Variants in RFC4 observed in about 807,000 individuals in gnomAD.
RFC4 encodes replication factor C subunit 4, also known as A1 37 kDa subunit.
In RFC4, 38 loss-of-function variants were observed where a neutral mutation model predicts 47.6. The observed-to-expected ratio is 0.80, with a 90% CI of 0.62 to 1.05. The LOEUF is 1.05. Ranked by LOEUF, RFC4 falls within the 50% of genes least tolerant of loss-of-function variation. The pLI is 0.00. For synonymous variants in RFC4, 164 were observed against 150.0 expected, an observed-to-expected ratio of 1.09 and a Z score of -0.68; for missense variants, 489 against 434.0, an observed-to-expected ratio of 1.13 and a Z score of -1.13.
rs777820503 is a variant in RFC4 at position 186,792,588 on chromosome 3, TAG to T, written c.575_576del (p.Ser192Ter). Reference protein sequence around the residue: ...YVSRIIEPLTSRCSKFRFKPL... With the variant: ...YVSRIIEPLTXRCSKFRFKPL... Reference sequence around the variant, plus strand: ...GGCTTGAAGCGGAATTTTGAACATCTAGAGGTCAGGGGTTCAATTATTCTGTG... The same window carrying T: ...GGCTTGAAGCGGAATTTTGAACATCTAGGTCAGGGGTTCAATTATTCTGTG... On this transcript the variant is annotated frameshift_variant, in exon 7 of 11. Coordinates refer to ENST00000296273, the MANE Select transcript of RFC4 (RefSeq NM_002916.5). LOFTEE classifies it high-confidence loss of function. 1 of 1,614,024 alleles carries T rather than the reference TAG, an allele frequency of 6.2e-7. No individual in the cohort carries two copies. Among genetic ancestry groups the T allele is most frequent in the South Asian group, 1.1e-5 (1 of 91,082 alleles).
Position 186,804,876 on chromosome 3 carries a change from A to C in RFC4, c.-11-152T>G. On this transcript the variant is annotated intron_variant, in intron 1 of 10. Transcript: ENST00000296273. The stretch of plus-strand genomic sequence containing the variant: ...CCTTGTGCAAAGATGTTACATAATA[A>C]AGGACATCACCCCATGACCTAGGAC... The C allele has an allele frequency of 4.5e-6, 3 of 670,402 alleles. No individual in the cohort carries two copies. The Admixed American group carries it at 8.5e-5, about 19-fold the overall frequency. 41.5% of individuals were successfully genotyped at this position (670,402 alleles called of 1,614,324 possible). A position where few individuals can be genotyped will look rare whatever the true frequency, so the allele number is the denominator to read the frequency against.
chr3:186,798,578 A>G (rs1722290206), intron 3 of RFC4, among the ~76,000 whole-genome samples: 1 of 152,058 alleles, frequency 6.6e-6, no homozygotes, highest in Non-Finnish European at 1.5e-5. Context: ...ACCATGGCCT[A>G]AAGGACTTCC....
intron 5 of RFC4, among the ~76,000 whole-genome samples, chr3:186,794,125 A>G (rs1186393791): frequency 6.6e-6 from 1 of 152,120 alleles, no homozygotes; most frequent in Non-Finnish European, 1.5e-5. Flanking sequence ...ATTTGTAAAT[A>G]TTTTCTCCCA....
chr3:186,797,824 G>C lies in RFC4; in HGVS notation c.211-210C>G, dbSNP rs577609423. On this transcript the variant is annotated intron_variant, in intron 3 of 10. Transcript: ENST00000296273. ...CATATACTACCACTTTTTTCCCCAA[G>C]TGTCTTTTTAATCTCTTAAGCTGAA... 2.6e-5 allele frequency among the ~76,000 whole-genome samples: 4 copies of C among 152,170 alleles called. No homozygotes were observed. The East Asian group carries it at 7.7e-4, about 29-fold the overall frequency.
intron 1 of RFC4, 50 bp downstream of exon 1, chr3:186,806,240 G>A (rs950330898): frequency 1.6e-4 from 24 of 152,298 alleles, no homozygotes; most frequent in African/African-American, 5.8e-4. Context: ...GGGCATCAAG[G>A]GCAGGAGTGG....
At chr3:186,805,921 G>A (rs1200448830) in intron 1 of RFC4, among the ~76,000 whole-genome samples, 1 of 152,186 alleles carries the variant, frequency 6.6e-6, no homozygotes, top group Non-Finnish European at 1.5e-5. Flanking sequence ...TTCCTTTTCT[G>A]TTAAAGGAGC....
At chr3:186,800,762 A>G (rs1232896855) in intron 3 of RFC4, among the ~76,000 whole-genome samples, 1 of 152,172 alleles carries the variant, frequency 6.6e-6, no homozygotes, top group Non-Finnish European at 1.5e-5. Flanking sequence ...TACTACCTAT[A>G]ATTATTTATT....
intron 3 of RFC4, 144 bp downstream of exon 3, chr3:186,800,973 T>C: frequency 1.6e-6 from 1 of 609,864 alleles, no homozygotes; most frequent in Middle Eastern, 2.6e-4. Context: ...TTTGAACTAA[T>C]TATCATTGTA....
At chr3:186,804,553 T>C in intron 2 of RFC4, 30 bp downstream of exon 2, 1 of 1,609,394 alleles carries the variant, frequency 6.2e-7, no homozygotes, top group Middle Eastern at 1.7e-4. Flanking sequence ...AATTTATGAA[T>C]TATTTTAACA....
chr3:186,791,148 G>A (rs1722119943), intron 8 of RFC4, among the ~76,000 whole-genome samples: 1 of 152,180 alleles, frequency 6.6e-6, no homozygotes, highest in Non-Finnish European at 1.5e-5. Context: ...AAGAACATCT[G>A]CTAAAATTGA....
intron 1 of RFC4, 136 bp from the exon 2 acceptor site, chr3:186,804,860 A>G: frequency 2.7e-6 from 2 of 750,464 alleles, no homozygotes; most frequent in Non-Finnish European, 4.3e-6. Context: ...GCCTTGTGCA[A>G]AGATGTTACA....
chr3:186,798,063 A>G (rs1722277377), intron 3 of RFC4, among the ~76,000 whole-genome samples: 2 of 152,204 alleles, frequency 1.3e-5, no homozygotes, highest in Admixed American at 1.3e-4. Context: ...AGGAAAAAGG[A>G]CTAAAAAAGA....
Position 186,804,570 on chromosome 3 carries a change from CAA to C in RFC4, c.131+11_131+12del, listed in dbSNP as rs773799644. The stretch of plus-strand genomic sequence containing the variant: ...TTTATGAATTATTTTAACAAAGACA[CAA>C]GTGTTCTTACTATTTTTCCACCCAG... On this transcript the variant is annotated intron_variant, in intron 2 of 10. Coordinates refer to ENST00000296273, the MANE Select transcript of RFC4 (RefSeq NM_002916.5). The C allele has an allele frequency of 3.1e-6, 5 of 1,612,354 alleles. No homozygotes were observed. The highest frequency in any genetic ancestry group is 1.3e-5 in the African/African-American group (1 of 74,732).
At chr3:186,800,994 T>C (rs1434436324) in intron 3 of RFC4, 123 bp downstream of exon 3, 3 of 691,204 alleles carry the variant, frequency 4.3e-6, no homozygotes, top group Non-Finnish European at 7.6e-6. Flanking sequence ...CAAATAGTTA[T>C]CAAGGACCTA....
intron 3 of RFC4, among the ~76,000 whole-genome samples, chr3:186,800,816 T>C (rs1468364670): frequency 2.6e-5 from 4 of 152,104 alleles, no homozygotes; most frequent in Non-Finnish European, 5.9e-5. Context: ...TAAAAACCCA[T>C]GAAAAAAGGG....
intron 5 of RFC4, among the ~76,000 whole-genome samples, chr3:186,794,210 C>G (rs1212379705): frequency 6.6e-6 from 1 of 152,194 alleles, no homozygotes; most frequent in African/African-American, 2.4e-5. Flanking sequence ...CCAAAAGTGG[C>G]ATTAACATAA....
Position 186,791,850 on chromosome 3 carries a change from C to T in RFC4, c.676G>A (p.Gly226Arg), listed in dbSNP as rs747555897. 2 of 1,610,510 alleles carry T rather than the reference C, an allele frequency of 1.2e-6. No homozygotes were observed. Among genetic ancestry groups the T allele is most frequent in the East Asian group, 4.5e-5 (2 of 44,788 alleles). Residue 226 changes from glycine to arginine, a missense_variant and splice_region_variant, in exon 8 of 11, where the codon GGA (glycine) becomes AGA (arginine). Around this residue, in one of 2 missense-constraint regions of RFC4, gnomAD observed 283 missense variants for 176.2 expected, o/e 1.61. Coordinates refer to ENST00000296273, the MANE Select transcript of RFC4 (RefSeq NM_002916.5). ...GACACTTTAACAAGATAAGCTATTCCCTGAAGAGAAAAGAGTTGTTTTTAA... is the reference window on the plus strand; with the variant it reads ...GACACTTTAACAAGATAAGCTATTCTCTGAAGAGAAAAGAGTTGTTTTTAA... The part of the protein sequence containing the change: ...KKENVKISDE[G>R]IAYLVKVSEG...
At chr3:186,798,055 G>A (rs3917117) in intron 3 of RFC4, among the ~76,000 whole-genome samples, 35,764 of 151,942 alleles carry the variant, frequency 0.24, 4,959 homozygotes, top group East Asian at 0.41. Flanking sequence ...CAAAACTGAG[G>A]AAAAAGGACT....
At chr3:186,791,970 C>T in intron 7 of RFC4, 120 bp from the exon 8 acceptor site, 1 of 856,104 alleles carries the variant, frequency 1.2e-6, no homozygotes, top group East Asian at 2.7e-5. Flanking sequence ...TGAGAAAAAA[C>T]ATTTCTGTTT....
Sources: allele counts gnomAD v4.1 joint callset (sites outside exome capture counted in the v4.1 genomes callset), GRCh38; gene constraint gnomAD v4.1.1; regional missense constraint gnomAD v4.1.1; transcripts MANE v1.5; gene names NCBI Gene and HGNC (gene_info 2026-07-23, HGNC 2026-07-21).